EFHC1: variants seen among roughly 807,000 people sequenced by gnomAD.
EFHC1 encodes the protein EF-hand domain containing 1, also known as EF-hand domain-containing protein 1.
Under a neutral mutation model 69.9 loss-of-function variants are expected in EFHC1, and 53 were observed. The observed-to-expected ratio is 0.76, with a 90% CI of 0.61 to 0.95. The LOEUF (loss-of-function observed/expected upper bound fraction) is 0.95. Ranked by LOEUF, EFHC1 falls within the 40% of genes least tolerant of loss-of-function variation. EFHC1 has a pLI of 0.00. For missense variants in EFHC1, 739 were observed against 798.7 expected, an observed-to-expected ratio of 0.93 and a Z score of 0.90; for synonymous variants, 256 against 278.4, an observed-to-expected ratio of 0.92 and a Z score of 0.80.
chr6:52,463,838 A>G (rs1230869293), intron 5 of EFHC1, among the ~76,000 whole-genome samples: 1 of 152,228 alleles, frequency 6.6e-6, no homozygotes, highest in Non-Finnish European at 1.5e-5. Flanking sequence ...GAGAATAGAC[A>G]TAGGGAGACA....
At position 52,479,724 on chromosome 6, in the gene EFHC1, A is replaced by C. The variant is rs1477753006; in HGVS notation, c.1577A>C (p.Glu526Ala). ...MESNAAQYSP[E>A]ALASIQNHVR... ...AGCAACGCTGCCCAGTATTCACCAG[A>C]AGCACTCGCGTCAATTCAGAACCAT... The change falls in exon 9 of 11, where the codon GAA (glutamate) becomes GCA (alanine). Residue 526 changes from glutamate to alanine, a missense_variant. Coordinates refer to ENST00000371068, the MANE Select transcript of EFHC1 (RefSeq NM_018100.4). 1 of 1,614,210 alleles carries C rather than the reference A, an allele frequency of 6.2e-7. No individual in the cohort carries two copies. Among genetic ancestry groups the C allele is most frequent in the Non-Finnish European group, 8.5e-7 (1 of 1,180,036 alleles).
chr6:52,459,081 G>GGAGA lies in EFHC1; in HGVS notation c.916+4796_916+4799dup, dbSNP rs535515556. 8.1e-4 allele frequency among the ~76,000 whole-genome samples: 124 copies of GGAGA among 152,264 alleles called. 1 individual carries two copies. The highest frequency in any genetic ancestry group is 2.9e-3 in the African/African-American group (119 of 41,540). On this transcript the variant is annotated intron_variant, in intron 5 of 10. Transcript: ENST00000371068. ...GGGGACTCCAAAAGGAAGAAGTAAG[G>GGAGA]GAGAGGGACAAGGGTTGAAGAACTA... is the stretch of plus-strand genomic sequence containing the variant.
chr6:52,477,693 C>T (rs1765573371), intron 7 of EFHC1, among the ~76,000 whole-genome samples: 2 of 152,280 alleles, frequency 1.3e-5, no homozygotes, highest in South Asian at 4.1e-4. Flanking sequence ...CATCACTGGC[C>T]ATCAGAGAAA....
intron 3 of EFHC1, among the ~76,000 whole-genome samples, chr6:52,440,905 C>A (rs1267653681): frequency 6.6e-6 from 1 of 151,850 alleles, no homozygotes; most frequent in Non-Finnish European, 1.5e-5. Flanking sequence ...GCTTTTTTTT[C>A]ATATGGTTAT....
intron 1 of EFHC1, 62 bp from the exon 2 acceptor site, chr6:52,423,884 T>G (rs1337303652): frequency 6.2e-7 from 1 of 1,606,444 alleles, no homozygotes. Context: ...AAAAGTTAGT[T>G]TTTTTTTTAC....
At chr6:52,463,933 A>T (rs2114006682) in intron 5 of EFHC1, among the ~76,000 whole-genome samples, 1 of 152,302 alleles carries the variant, frequency 6.6e-6, no homozygotes, top group East Asian at 1.9e-4. Flanking sequence ...CAAGGGCTGG[A>T]GTTCAAACTT....
intron 7 of EFHC1, among the ~76,000 whole-genome samples, chr6:52,470,226 A>G (rs1765405959): frequency 6.6e-6 from 1 of 152,214 alleles, no homozygotes. Flanking sequence ...TAGATTTTAG[A>G]AAACGATTGC....
intron 3 of EFHC1, among the ~76,000 whole-genome samples, chr6:52,443,262 A>C (rs985673862): frequency 6.6e-6 from 1 of 152,032 alleles, no homozygotes; most frequent in East Asian, 1.9e-4. Context: ...ATGGTAGTTT[A>C]TTTTGCTGTG....
intron 4 of EFHC1, chr6:52,453,466 T>G: frequency 7.8e-7 from 1 of 1,287,192 alleles, no homozygotes; most frequent in South Asian, 1.2e-5. Flanking sequence ...GCTTCTTTGC[T>G]GCTCCTTTTC....
intron 3 of EFHC1, among the ~76,000 whole-genome samples, chr6:52,440,479 C>T (rs1764636801): frequency 6.6e-6 from 1 of 151,900 alleles, no homozygotes; most frequent in Non-Finnish European, 1.5e-5. Flanking sequence ...CTGGCACCTT[C>T]ATGTATATGT....
chr6:52,464,952 C>T lies in EFHC1; in HGVS notation c.974C>T (p.Thr325Ile), dbSNP rs767861983. 6.2e-7 allele frequency: 1 copy of T among 1,614,126 alleles called. No homozygotes were observed. The highest frequency in any genetic ancestry group is 1.1e-5 in the South Asian group (1 of 91,082). The stretch of plus-strand genomic sequence containing the variant: ...GACCAAGAAGTGTTGGAATGGTATA[C>T]TGCTAAAGACTTCATTGTTGGGAAG... ...ISDQEVLEWY[T>I]AKDFIVGKSL... Residue 325 changes from threonine (T) to isoleucine (I), a missense_variant, in exon 6 of 11, where the codon ACT (threonine) becomes ATT (isoleucine). Coordinates refer to ENST00000371068, the MANE Select transcript of EFHC1 (RefSeq NM_018100.4).
At chr6:52,439,526 C>G (rs1457906241) in intron 3 of EFHC1, among the ~76,000 whole-genome samples, 1 of 152,118 alleles carries the variant, frequency 6.6e-6, no homozygotes, top group African/African-American at 2.4e-5. Context: ...CCTTTCCTTG[C>G]ATGTTATAGG....
chr6:52,423,559 T>C (rs1241317586), intron 1 of EFHC1: 1 of 422,212 alleles, frequency 2.4e-6, no homozygotes, highest in Non-Finnish European at 4.2e-6. Context: ...TGGAGTGCAG[T>C]GGTTCAATCA....
intron 9 of EFHC1, 156 bp downstream of exon 9, chr6:52,479,943 G>A: frequency 8.5e-7 from 1 of 1,178,158 alleles, no homozygotes; most frequent in Non-Finnish European, 1.2e-6. Flanking sequence ...CAATGTAATA[G>A]CTAGTAACTT....
intron 5 of EFHC1, among the ~76,000 whole-genome samples, chr6:52,462,050 A>G (rs892595604): frequency 2.6e-5 from 4 of 152,074 alleles, no homozygotes; most frequent in Non-Finnish European, 5.9e-5. Context: ...AAGACAAATC[A>G]ATAAACAGGT....
chr6:52,481,504 ATC>A (rs60540358), intron 9 of EFHC1: 2,291 of 143,482 alleles, frequency 0.016, 39 homozygotes, highest in Middle Eastern at 0.038. Context: ...AGACTGCATG[ATC>A]TCTCTCTCTC....
At chr6:52,446,008 A>G (rs1475143348) in intron 3 of EFHC1, among the ~76,000 whole-genome samples, 1 of 152,148 alleles carries the variant, frequency 6.6e-6, no homozygotes, top group East Asian at 1.9e-4. Context: ...AATAAGTGCG[A>G]TGTGGTGCTG....
Position 52,494,355 on chromosome 6 carries a change from G to T in EFHC1, c.*2014G>T, listed in dbSNP as rs1268504152. 4.2e-5 allele frequency: 19 copies of T among 453,944 alleles called. No individual in the cohort carries two copies. The Admixed American group carries it at 4.5e-4, about 11-fold the overall frequency. 28.1% of individuals were successfully genotyped at this position (453,944 alleles called of 1,614,324 possible). ...TGTGGTAAAGAGTGTGTGTATACTG[G>T]GGTGATGATAGTGGTTTCTTCTTAC... On this transcript the variant is annotated 3_prime_UTR_variant, in exon 11 of 11. Coordinates refer to ENST00000371068, the MANE Select transcript of EFHC1 (RefSeq NM_018100.4).
intron 2 of EFHC1, among the ~76,000 whole-genome samples, chr6:52,433,090 G>T (rs1044054606): frequency 6.6e-5 from 10 of 151,828 alleles, no homozygotes; most frequent in Non-Finnish European, 1.2e-4. Flanking sequence ...TTCACTTCTT[G>T]TATCTTTTTT....
Sources: gnomAD v4.1 joint callset for allele counts (sites outside exome capture counted in the v4.1 genomes callset) on GRCh38, gnomAD v4.1.1 for gene constraint, MANE v1.5 for transcripts, NCBI Gene and HGNC (gene_info 2026-07-23, HGNC 2026-07-21) for gene names.